PLCL1: variants seen among roughly 807,000 people sequenced by gnomAD.
The protein encoded by PLCL1 is inactive phospholipase C-like protein 1.
Under a neutral mutation model 84.4 loss-of-function variants are expected in PLCL1, and 41 were observed. The ratio of observed to expected loss-of-function variants is 0.49; its 90% CI spans 0.38 to 0.63. The LOEUF (loss-of-function observed/expected upper bound fraction) is 0.63. PLCL1 is among the 30% of genes least tolerant of loss of function. The probability of loss-of-function intolerance (pLI) is 0.00; values close to 1 mark genes in which losing one functional copy is unlikely to be tolerated. For synonymous variants in PLCL1, 490 were observed against 488.3 expected, an observed-to-expected ratio of 1.00 and a Z score of -0.05; for missense variants, 1,206 against 1,367.8, an observed-to-expected ratio of 0.88 and a Z score of 1.87.
chr2:197,911,101 G>A (rs1246981734), intron 1 of PLCL1, among the ~76,000 whole-genome samples: 1 of 152,086 alleles, frequency 6.6e-6, no homozygotes, highest in Non-Finnish European at 1.5e-5. Context: ...CTTTAGTTTT[G>A]GGAGGCTGAG....
rs1690448867 is a variant in PLCL1, at chr2:197,805,294, C to A, written c.195C>A (p.Leu65=). 1 of 1,297,652 alleles carries A rather than the reference C, an allele frequency of 7.7e-7. No homozygotes were observed. The highest frequency in any genetic ancestry group is 9.7e-7 in the Non-Finnish European group (1 of 1,025,708). The allele number at this position is 1,297,652 out of a possible 1,614,324, so 80.4% of individuals were successfully genotyped here. The change falls in exon 1 of 6, where the codon CTC becomes CTA. Residue 65 remains leucine (L), a synonymous_variant. Transcript: ENST00000428675. The surrounding 1 kb of genome is among the most constrained non-coding windows in gnomAD (Gnocchi z 4.0). ...CCCCAGCGGACAGCGAGGCGGGCCT[C>A]CTGGAGGCAGCACGGGCGACCCCCC... ...AGTPADSEAG[L]LEAARATPRR...
chr2:197,944,675 C>G (rs1212895790), intron 1 of PLCL1, among the ~76,000 whole-genome samples: 1 of 152,200 alleles, frequency 6.6e-6, no homozygotes, highest in Non-Finnish European at 1.5e-5. Context: ...CCGGTATAAG[C>G]CAGCTGCAGC....
intron 1 of PLCL1, among the ~76,000 whole-genome samples, chr2:198,059,593 A>G (rs1176446447): frequency 6.6e-6 from 1 of 152,154 alleles, no homozygotes; most frequent in Non-Finnish European, 1.5e-5. Flanking sequence ...GGAAGAAAGT[A>G]GTTTTGGCAC....
At chr2:197,967,843 A>T (rs1406963759) in intron 1 of PLCL1, among the ~76,000 whole-genome samples, 1 of 152,206 alleles carries the variant, frequency 6.6e-6, no homozygotes. Context: ...GAAAGAAATT[A>T]TATGCTCCCT....
chr2:197,842,718 C>G (rs904136092), intron 1 of PLCL1, among the ~76,000 whole-genome samples: 2 of 152,110 alleles, frequency 1.3e-5, no homozygotes, highest in East Asian at 1.9e-4. Flanking sequence ...ACAATCAACT[C>G]TATCAACAAG....
At chr2:197,908,629 T>A (rs1457283096) in intron 1 of PLCL1, among the ~76,000 whole-genome samples, 1 of 152,232 alleles carries the variant, frequency 6.6e-6, no homozygotes, top group South Asian at 2.1e-4. Context: ...CATCTTCTTA[T>A]CAAGTCAGCT....
At chr2:197,990,452 A>T (rs1256753956) in intron 1 of PLCL1, among the ~76,000 whole-genome samples, 1 of 152,208 alleles carries the variant, frequency 6.6e-6, no homozygotes, top group African/African-American at 2.4e-5. Context: ...GTCCATTTTC[A>T]TACTGCTATG....
chr2:197,824,713 CAAAAAAAAA>C (rs1163183876), intron 1 of PLCL1, among the ~76,000 whole-genome samples: 1 of 55,544 alleles, frequency 1.8e-5, no homozygotes, highest in African/African-American at 6.3e-5. Context: ...GACCCTGTCT[CAAAAAAAAA>C]AAAAAAAAAA....
At chr2:198,072,014 C>T (rs1692476270) in intron 1 of PLCL1, among the ~76,000 whole-genome samples, 1 of 151,836 alleles carries the variant, frequency 6.6e-6, no homozygotes, top group East Asian at 1.9e-4. Flanking sequence ...CAACTGCATC[C>T]ATTGAAACTA....
intron 1 of PLCL1, among the ~76,000 whole-genome samples, chr2:197,898,640 G>T (rs1019509120): frequency 6.6e-6 from 1 of 150,724 alleles, no homozygotes; most frequent in African/African-American, 2.5e-5. Context: ...CCTTAACTTT[G>T]TGCTCTGTTC....
chr2:197,848,689 G>A (rs140044410), intron 1 of PLCL1, among the ~76,000 whole-genome samples: 316 of 152,252 alleles, frequency 2.1e-3, no homozygotes, highest in African/African-American at 7.2e-3. Context: ...TAGAACAAAC[G>A]GCTTTAAAAA....
intron 1 of PLCL1, among the ~76,000 whole-genome samples, chr2:197,991,964 C>T (rs574998485): frequency 7.2e-5 from 11 of 152,170 alleles, no homozygotes; most frequent in Non-Finnish European, 1.3e-4. Context: ...CCTGGTTCGT[C>T]TCTCCTGATG....
At chr2:198,018,348 A>G (rs1370788564) in intron 1 of PLCL1, among the ~76,000 whole-genome samples, 2 of 151,978 alleles carry the variant, frequency 1.3e-5, no homozygotes, top group Non-Finnish European at 2.9e-5. Context: ...TTTATTTCAT[A>G]CCTCAGTGGC....
rs142173559 is a variant in PLCL1 at position 197,849,629 on chromosome 2, T to C, written c.240+44290T>C. On this transcript the variant is annotated intron_variant, in intron 1 of 5. Transcript: ENST00000428675. ...GCTTAATGCAAGAAATTTGGAGAAA[T>C]GTAAAAGGAGAATGGCATTTAAAAA... Among the ~76,000 whole-genome samples the C allele has an allele frequency of 1.3e-3, 200 of 152,092 alleles. 1 individual carries two copies. Among genetic ancestry groups the C allele is most frequent in the African/African-American group, 4.5e-3 (185 of 41,540 alleles).
chr2:197,979,848 G>T (rs965143512), intron 1 of PLCL1, among the ~76,000 whole-genome samples: 1 of 152,034 alleles, frequency 6.6e-6, no homozygotes, highest in African/African-American at 2.4e-5. Context: ...CTCATCTGTG[G>T]TGCCTTTCCC....
chr2:197,856,051 A>G (rs904420245), intron 1 of PLCL1, among the ~76,000 whole-genome samples: 4 of 152,222 alleles, frequency 2.6e-5, no homozygotes, highest in East Asian at 1.9e-4. Context: ...GTCTCACTGC[A>G]TAAGCTTTAC....
chr2:197,858,922 G>A (rs1304663201), intron 1 of PLCL1, among the ~76,000 whole-genome samples: 2 of 152,012 alleles, frequency 1.3e-5, no homozygotes, highest in Non-Finnish European at 2.9e-5. Flanking sequence ...CTATTAGCTG[G>A]TTACCTTGTT....
intron 1 of PLCL1, among the ~76,000 whole-genome samples, chr2:197,874,379 G>A (rs1687699387): frequency 6.6e-6 from 1 of 151,902 alleles, no homozygotes; most frequent in Non-Finnish European, 1.5e-5. Flanking sequence ...TAAACAAAAA[G>A]AAAATAAAAA....
In PLCL1 at chr2:198,146,948, A is replaced by T; in HGVS notation, c.3274A>T (p.Asn1092Tyr). The change falls in exon 6 of 6, where the codon AAT (asparagine) becomes TAT (tyrosine). Residue 1092 changes from asparagine (N) to tyrosine (Y), a missense_variant. Coordinates refer to ENST00000428675, the MANE Select transcript of PLCL1 (RefSeq NM_006226.4). The part of the protein sequence containing the change: ...AIEEKESSEE[N>Y]GKL ...AGAGGAGAAGGAAAGTAGTGAGGAG[A>T]ATGGGAAGCTGTGACTCTGGGCATT... 1 of 1,601,334 alleles carries T rather than the reference A, an allele frequency of 6.2e-7. No individual in the cohort carries two copies. The highest frequency in any genetic ancestry group is 8.5e-7 in the Non-Finnish European group (1 of 1,172,032).
Sources: allele counts gnomAD v4.1 joint callset (sites outside exome capture counted in the v4.1 genomes callset), GRCh38; gene constraint gnomAD v4.1.1; non-coding constraint Gnocchi (gnomAD v3.1); transcripts MANE v1.5; gene names NCBI Gene and HGNC (gene_info 2026-07-23, HGNC 2026-07-21).